Variants in EMCN observed in about 807,000 individuals in gnomAD.
EMCN encodes MUC-14.
Under a neutral mutation model 38.4 loss-of-function variants are expected in EMCN, and 37 were observed. That is an observed-to-expected ratio of 0.96 (90% CI 0.74 to 1.27). The LOEUF (loss-of-function observed/expected upper bound fraction) is 1.27. EMCN is among the 50% of genes most tolerant of loss of function. The pLI is 0.00. For missense variants in EMCN, 318 were observed against 302.8 expected, an observed-to-expected ratio of 1.05 and a Z score of -0.37; for synonymous variants, 95 against 100.8, an observed-to-expected ratio of 0.94 and a Z score of 0.35.
At chr4:100,441,255 TA>T (rs1727508772) in intron 5 of EMCN, among the ~76,000 whole-genome samples, 1 of 152,212 alleles carries the variant, frequency 6.6e-6, no homozygotes, top group East Asian at 1.9e-4. Context: ...CCTTTATCAT[TA>T]AATAATGACA....
intron 9 of EMCN, 38 bp downstream of exon 9, chr4:100,417,078 TG>T (rs1726756760): frequency 6.2e-7 from 1 of 1,600,752 alleles, no homozygotes; most frequent in Admixed American, 1.7e-5. Context: ...ACTACGTAAA[TG>T]GTAGGGTCTA....
chr4:100,488,467 A>T (rs1410771920), intron 1 of EMCN, among the ~76,000 whole-genome samples: 3 of 152,218 alleles, frequency 2.0e-5, no homozygotes, highest in African/African-American at 7.2e-5. Flanking sequence ...AAAATGTTAA[A>T]GGTAAAATTT....
chr4:100,486,352 C>T (rs1263571889), intron 1 of EMCN, among the ~76,000 whole-genome samples: 1 of 152,096 alleles, frequency 6.6e-6, no homozygotes, highest in Non-Finnish European at 1.5e-5. Context: ...GACAATGTTA[C>T]ACATTAATAA....
intron 11 of EMCN, 76 bp downstream of exon 11, chr4:100,410,206 A>G: frequency 9.7e-7 from 1 of 1,029,990 alleles, no homozygotes; most frequent in Non-Finnish European, 1.5e-6. Context: ...AAATTCTTTA[A>G]AAACAATCTA....
chr4:100,511,533 A>C (rs988561978), intron 1 of EMCN, among the ~76,000 whole-genome samples: 2 of 152,230 alleles, frequency 1.3e-5, no homozygotes, highest in South Asian at 2.1e-4. Context: ...AACATTTTTT[A>C]CTACTAACCT....
At chr4:100,442,090 T>C (rs1727535870) in intron 5 of EMCN, among the ~76,000 whole-genome samples, 1 of 152,236 alleles carries the variant, frequency 6.6e-6, no homozygotes, top group South Asian at 2.1e-4. Context: ...CTAGTGGTGA[T>C]GAATTCCTTC....
intron 8 of EMCN, among the ~76,000 whole-genome samples, chr4:100,419,773 A>G (rs958551106): frequency 1.3e-5 from 2 of 152,088 alleles, no homozygotes; most frequent in African/African-American, 4.8e-5. Flanking sequence ...TAAGAAGTTT[A>G]TTCACTGATT....
At chr4:100,423,440 G>C (rs1726953406) in intron 5 of EMCN, 36 bp from the exon 6 acceptor site, 1 of 1,426,188 alleles carries the variant, frequency 7.0e-7, no homozygotes, top group Non-Finnish European at 9.9e-7. Flanking sequence ...TCAGGCTATG[G>C]TATTAAGCCT....
At chr4:100,457,755 G>T (rs1214398518) in intron 4 of EMCN, among the ~76,000 whole-genome samples, 3 of 152,114 alleles carry the variant, frequency 2.0e-5, no homozygotes, top group Non-Finnish European at 2.9e-5. Context: ...TCAGTCTGCA[G>T]TGTTCTTTTC....
chr4:100,457,242 T>C (rs1376038808), intron 4 of EMCN, among the ~76,000 whole-genome samples: 1 of 151,660 alleles, frequency 6.6e-6, no homozygotes. Flanking sequence ...ATTAATAAGA[T>C]CATGTCATCT....
intron 8 of EMCN, 28 bp from the exon 9 acceptor site, chr4:100,417,169 G>T: frequency 6.2e-7 from 1 of 1,613,156 alleles, no homozygotes; most frequent in Non-Finnish European, 8.5e-7. Context: ...TGTTATTAGA[G>T]TTGCAAAGAA....
Position 100,477,482 on chromosome 4 carries a change from G to A in EMCN, c.188-2373C>T, listed in dbSNP as rs547164602. Among the ~76,000 whole-genome samples the A allele has an allele frequency of 2.4e-4, 36 of 152,270 alleles. 3 individuals are homozygous for A. The South Asian group carries it at 6.0e-3, about 25-fold the overall frequency. ...CTCCAGGCGAAGCTCTATCAATCAC[G>A]TCTGCCACTTCAGTGATTATGTTGC... On this transcript the variant is annotated intron_variant, in intron 2 of 11. Transcript: ENST00000296420.
At chr4:100,428,591 C>T (rs952608965) in intron 5 of EMCN, among the ~76,000 whole-genome samples, 2 of 152,118 alleles carry the variant, frequency 1.3e-5, no homozygotes, top group African/African-American at 2.4e-5. Context: ...AATGTTATAA[C>T]AGTGTCTGGA....
rs146710011 is a variant in EMCN at position 100,448,698 on chromosome 4, C to T, written c.377-1127G>A. ...GCTCCAATGGCTCCCTATTGCTCCT[C>T]AACTCATCTCCAACCATTCAGACCC... is the stretch of plus-strand genomic sequence containing the variant. On this transcript the variant is annotated intron_variant, in intron 4 of 11. Transcript: ENST00000296420. Among the ~76,000 whole-genome samples, 166 of 152,274 alleles carry T rather than the reference C, an allele frequency of 1.1e-3. 1 individual carries two copies. Among genetic ancestry groups the T allele is most frequent in the African/African-American group, 3.8e-3 (158 of 41,562 alleles).
intron 5 of EMCN, among the ~76,000 whole-genome samples, chr4:100,442,690 A>G (rs1727557885): frequency 6.6e-6 from 1 of 151,828 alleles, no homozygotes; most frequent in South Asian, 2.1e-4. Context: ...TCATTGATTG[A>G]ATTCTTCAGC....
At chr4:100,475,500 G>A (rs1728611044) in intron 2 of EMCN, among the ~76,000 whole-genome samples, 1 of 150,668 alleles carries the variant, frequency 6.6e-6, no homozygotes, top group Admixed American at 6.6e-5. Context: ...GGAGTATCAT[G>A]CCTTTTTTTT....
At position 100,468,443 on chromosome 4, in the gene EMCN, A is replaced by T. The variant is rs563164207; in HGVS notation, c.260-2904T>A. Among the ~76,000 whole-genome samples, 3 of 152,320 alleles carry T rather than the reference A, an allele frequency of 2.0e-5. No homozygotes were observed. In the South Asian group the frequency reaches 6.2e-4, roughly 32 times the overall value. Reference sequence around the variant, plus strand: ...TTGTGGTCATGGATTTTAATTTTATAGGGAGGGAGATTGGCAGCTTTATTC... The same window carrying T: ...TTGTGGTCATGGATTTTAATTTTATTGGGAGGGAGATTGGCAGCTTTATTC... On this transcript the variant is annotated intron_variant, in intron 3 of 11. Coordinates refer to ENST00000296420, the MANE Select transcript of EMCN (RefSeq NM_016242.4).
chr4:100,487,983 A>G (rs1175335797), intron 1 of EMCN, among the ~76,000 whole-genome samples: 1 of 152,180 alleles, frequency 6.6e-6, no homozygotes, highest in Non-Finnish European at 1.5e-5. Flanking sequence ...GTCTCACTGG[A>G]CACTTTTTAC....
intron 3 of EMCN, among the ~76,000 whole-genome samples, chr4:100,468,243 A>G (rs149503999): frequency 7.7e-4 from 118 of 152,364 alleles, no homozygotes; most frequent in African/African-American, 2.7e-3. Context: ...AAACCACTGC[A>G]TAGGGCTGAG....
Sources: allele counts gnomAD v4.1 joint callset (sites outside exome capture counted in the v4.1 genomes callset), GRCh38; gene constraint gnomAD v4.1.1; transcripts MANE v1.5; gene names NCBI Gene and HGNC (gene_info 2026-07-23, HGNC 2026-07-21).